The following DDX4 variants were observed in gnomAD, a reference collection of about 807,000 sequenced individuals.
DDX4 encodes the protein DEAD-box helicase 4.
Under a neutral mutation model 100.0 loss-of-function variants are expected in DDX4, and 25 were observed. That is an observed-to-expected ratio of 0.25 (90% CI 0.18 to 0.35). The LOEUF is 0.35. Among genes scored for constraint, DDX4 ranks in the 10% least tolerant of loss-of-function variants. The pLI, the probability that DDX4 is intolerant of heterozygous loss-of-function variation, is 1.00. For synonymous variants in DDX4, 259 were observed against 275.7 expected (o/e 0.94, Z 0.60); for missense variants, 635 against 882.4 (o/e 0.72, Z 3.55).
At position 55,738,930 on chromosome 5, in the gene DDX4, T is replaced by C; in HGVS notation, c.-14-20T>C. On this transcript the variant is annotated intron_variant, in intron 1 of 21. Transcript: ENST00000505374. ...GATCTAATTGAGTCCAAATGTGCAT[T>C]TTTTTTTTTTTATGAATAGAACTTG... 2 of 1,255,472 alleles carry C rather than the reference T, an allele frequency of 1.6e-6. No homozygotes were observed. The highest frequency in any genetic ancestry group is 2.6e-5 in the South Asian group (2 of 77,680). 77.8% of individuals were successfully genotyped at this position (1,255,472 alleles called of 1,614,324 possible). A position where few individuals can be genotyped will look rare whatever the true frequency, so the allele number is the denominator to read the frequency against.
chr5:55,808,517 GTTAGTTT>G (rs1442458231), intron 18 of DDX4, among the ~76,000 whole-genome samples: 1 of 152,180 alleles, frequency 6.6e-6, no homozygotes, highest in Non-Finnish European at 1.5e-5. Flanking sequence ...CTTTATGTTT[GTTAGTTT>G]TCCTTCTAAC....
At chr5:55,765,395 TAAAA>T (rs57279452) in intron 6 of DDX4, among the ~76,000 whole-genome samples, 3 of 87,594 alleles carry the variant, frequency 3.4e-5, no homozygotes, top group African/African-American at 9.1e-5. Context: ...TTAGTTCCCC[TAAAA>T]AAAAAAAAAA....
chr5:55,797,250 TG>T (rs1387724268), intron 17 of DDX4, among the ~76,000 whole-genome samples: 1 of 152,234 alleles, frequency 6.6e-6, no homozygotes, highest in African/African-American at 2.4e-5. Flanking sequence ...TGGAACATAG[TG>T]TTCAGTAAAC....
intron 18 of DDX4, among the ~76,000 whole-genome samples, chr5:55,813,400 A>T (rs138508192): frequency 1.9e-3 from 286 of 152,308 alleles, no homozygotes; most frequent in African/African-American, 6.4e-3. Context: ...GGCAGATATG[A>T]TTTACCTTTC....
intron 18 of DDX4, among the ~76,000 whole-genome samples, chr5:55,803,868 T>G (rs1743504466): frequency 6.6e-6 from 1 of 152,148 alleles, no homozygotes; most frequent in African/African-American, 2.4e-5. Flanking sequence ...GGTCAAATGG[T>G]ATTTCTAGTT....
intron 7 of DDX4, among the ~76,000 whole-genome samples, chr5:55,776,685 A>G (rs764579473): frequency 5.3e-5 from 8 of 152,202 alleles, no homozygotes; most frequent in Non-Finnish European, 4.4e-5. Flanking sequence ...ATTAGGTGCC[A>G]GGGAGAAATA....
intron 8 of DDX4, 104 bp downstream of exon 8, chr5:55,780,169 T>C: frequency 7.6e-6 from 9 of 1,181,454 alleles, no homozygotes; most frequent in South Asian, 2.8e-5. Flanking sequence ...TATATGAGAA[T>C]AGCTTAGCTC....
chr5:55,761,781 T>C (rs537444364), intron 4 of DDX4, among the ~76,000 whole-genome samples: 42 of 152,154 alleles, frequency 2.8e-4, no homozygotes, highest in African/African-American at 9.4e-4. Flanking sequence ...CTAATTGTTT[T>C]TTATTAGTAG....
Position 55,785,421 on chromosome 5 carries a change from C to A in DDX4, c.674-26C>A, listed in dbSNP as rs749073333. On this transcript the variant is annotated intron_variant, in intron 11 of 21. Coordinates refer to ENST00000505374, the MANE Select transcript of DDX4 (RefSeq NM_024415.3). ...CCTTTCAATTTTAAAAAACATGTAT[C>A]TCTTTTTTATTTGATCCTCTTCAAG... 6.9e-6 allele frequency: 11 copies of A among 1,598,532 alleles called. No individual in the cohort carries two copies. The Admixed American group carries it at 1.9e-4, about 27-fold the overall frequency.
intron 18 of DDX4, among the ~76,000 whole-genome samples, chr5:55,812,832 G>C (rs1744194001): frequency 6.6e-6 from 1 of 151,120 alleles, no homozygotes; most frequent in Non-Finnish European, 1.5e-5. Flanking sequence ...ATATTTATTT[G>C]CCTCCCCATA....
chr5:55,763,265 T>G lies in DDX4; in HGVS notation c.283+13T>G. The G allele has an allele frequency of 6.6e-7, 1 of 1,515,676 alleles. No individual in the cohort carries two copies. Among genetic ancestry groups the G allele is most frequent in the Admixed American group, 1.7e-5 (1 of 59,834 alleles). 93.9% of individuals were successfully genotyped at this position (1,515,676 alleles called of 1,614,324 possible). ...TTTGGAAACAGAGGTAATTACTTGG[T>G]TATGATATCTTACAATCAAAACTTG... is the stretch of plus-strand genomic sequence containing the variant. On this transcript the variant is annotated intron_variant, in intron 5 of 21. Coordinates refer to ENST00000505374, the MANE Select transcript of DDX4 (RefSeq NM_024415.3).
chr5:55,768,611 T>TAGAATTATTTATATTCCC (rs1264925392), intron 7 of DDX4, among the ~76,000 whole-genome samples: 2 of 152,310 alleles, frequency 1.3e-5, no homozygotes, highest in African/African-American at 4.8e-5. Flanking sequence ...GACTTTATGG[T>TAGAATTATTTATATTCCC]AGAATTATTT....
chr5:55,755,437 A>G (rs1337516542), intron 3 of DDX4, among the ~76,000 whole-genome samples: 1 of 152,100 alleles, frequency 6.6e-6, no homozygotes, highest in Non-Finnish European at 1.5e-5. Context: ...CCTTATATCT[A>G]TTAATGTAGT....
At position 55,815,061 on chromosome 5, in the gene DDX4, C is replaced by T. The variant is rs778496112; in HGVS notation, c.1876C>T (p.His626Tyr). 1 of 1,614,122 alleles carries T rather than the reference C, an allele frequency of 6.2e-7. No individual in the cohort carries two copies. The highest frequency in any genetic ancestry group is 8.5e-7 in the Non-Finnish European group (1 of 1,179,972). Residue 626 changes from histidine (H) to tyrosine (Y), a missense_variant, in exon 20 of 22, where the codon CAT becomes TAT. His to Tyr is a moderately conservative substitution (Grantham distance 83). Around this residue, in one of 4 missense-constraint regions of DDX4, gnomAD observed 115 missense variants for 224.7 expected, o/e 0.51. Transcript: ENST00000505374. The stretch of plus-strand genomic sequence containing the variant: ...TCCTTCTACCATTGATGAATATGTT[C>T]ATCGAATTGGGCGTACTGGTCGTTG... ...DLPSTIDEYV[H>Y]RIGRTGRCGN...
intron 7 of DDX4, among the ~76,000 whole-genome samples, chr5:55,771,339 C>G (rs1368062518): frequency 6.6e-6 from 1 of 152,100 alleles, no homozygotes; most frequent in Non-Finnish European, 1.5e-5. Flanking sequence ...GTTATGACTT[C>G]TAACAGCATA....
intron 17 of DDX4, among the ~76,000 whole-genome samples, chr5:55,794,199 GTGA>G (rs1403709528): frequency 5.1e-5 from 3 of 59,110 alleles, no homozygotes; most frequent in Non-Finnish European, 7.0e-5. Context: ...TTTTTTTTTT[GTGA>G]TGAAGTCTTG....
At chr5:55,799,238 T>C (rs1743151012) in intron 18 of DDX4, among the ~76,000 whole-genome samples, 1 of 152,098 alleles carries the variant, frequency 6.6e-6, no homozygotes, top group African/African-American at 2.4e-5. Context: ...TAGCTAATTC[T>C]ATTATTTTTT....
chr5:55,767,813 G>A, intron 6 of DDX4, 68 bp from the exon 7 acceptor site: 1 of 1,131,310 alleles, frequency 8.8e-7, no homozygotes, highest in Non-Finnish European at 1.3e-6. Context: ...TTGTGACAGT[G>A]CTATTCTTTA....
At chr5:55,760,681 T>C (rs900282084) in intron 4 of DDX4, among the ~76,000 whole-genome samples, 1 of 152,198 alleles carries the variant, frequency 6.6e-6, no homozygotes, top group African/African-American at 2.4e-5. Flanking sequence ...TAGGAAACAT[T>C]TGTTAGCTCA....
Sources: allele counts gnomAD v4.1 joint callset (sites outside exome capture counted in the v4.1 genomes callset), GRCh38; gene constraint gnomAD v4.1.1; regional missense constraint gnomAD v4.1.1; transcripts MANE v1.5; gene names NCBI Gene and HGNC (gene_info 2026-07-23, HGNC 2026-07-21).